ERBB4: variants seen among roughly 807,000 people sequenced by gnomAD.
The protein encoded by ERBB4 is receptor tyrosine-protein kinase erbB-4.
ERBB4 carries 42 observed loss-of-function variants against 158.0 expected under a neutral mutation model. That is an observed-to-expected ratio of 0.27 (90% CI 0.21 to 0.34). ERBB4 has a LOEUF of 0.34. ERBB4 is among the 10% of genes least tolerant of loss of function. The pLI, the probability that ERBB4 is intolerant of heterozygous loss-of-function variation, is 1.00. For missense variants in ERBB4, 1,333 were observed against 1,624.1 expected (o/e 0.82, Z 3.08); for synonymous variants, 583 against 558.7 (o/e 1.04, Z -0.61).
At chr2:212,144,343 G>A (rs145329120) in intron 1 of ERBB4, among the ~76,000 whole-genome samples, 2 of 152,148 alleles carry the variant, frequency 1.3e-5, no homozygotes, top group East Asian at 1.9e-4. Flanking sequence ...TTAGAGATCC[G>A]CTACAATATC....
intron 3 of ERBB4, among the ~76,000 whole-genome samples, chr2:211,930,874 C>T (rs1304663332): frequency 6.6e-6 from 1 of 151,942 alleles, no homozygotes; most frequent in African/African-American, 2.4e-5. Context: ...CATTCAAATC[C>T]CATTTTATTG....
rs191105473 is a variant in ERBB4, at chr2:212,164,314, T to C, written c.83-39411A>G. Among the ~76,000 whole-genome samples the C allele has an allele frequency of 2.0e-4, 30 of 152,122 alleles. No homozygotes were observed. The East Asian group carries it at 4.8e-3, about 25-fold the overall frequency. ...ATATTTTTAAAAAAACAACAAAATA[T>C]AAAGTATCGAAAACAACATTTTAAT... is the stretch of plus-strand genomic sequence containing the variant. On this transcript the variant is annotated intron_variant, in intron 1 of 27. Coordinates refer to ENST00000342788, the MANE Select transcript of ERBB4 (RefSeq NM_005235.3).
At chr2:212,124,685 G>A in intron 2 of ERBB4, 67 bp downstream of exon 2, 1 of 1,557,514 alleles carries the variant, frequency 6.4e-7, no homozygotes, top group Admixed American at 1.7e-5. Flanking sequence ...CAGCACACAG[G>A]TCTGCCTGTA....
chr2:212,489,147 T>C (rs1158150464), intron 1 of ERBB4, among the ~76,000 whole-genome samples: 1 of 151,792 alleles, frequency 6.6e-6, no homozygotes, highest in Admixed American at 6.6e-5. Context: ...AAGTATAAAA[T>C]AAGACAGAAT....
Position 211,415,321 on chromosome 2 carries a change from G to T in ERBB4, c.3135+5120C>A, listed in dbSNP as rs556762647. Among the ~76,000 whole-genome samples the T allele has an allele frequency of 1.6e-3, 217 of 134,216 alleles. 1 individual carries two copies. Among genetic ancestry groups the T allele is most frequent in the African/African-American group, 5.2e-3 (195 of 37,336 alleles). The allele number at this position is 134,216 out of a possible 152,430, so 88.1% of individuals were successfully genotyped here. On this transcript the variant is annotated intron_variant, in intron 25 of 27. Coordinates refer to ENST00000342788, the MANE Select transcript of ERBB4 (RefSeq NM_005235.3). ...TTTTTAGTAGAGGCGGGGTTTCACCGCGTTAGCCAGGATGGTCTCGATCTC... is the reference window on the plus strand; with the variant it reads ...TTTTTAGTAGAGGCGGGGTTTCACCTCGTTAGCCAGGATGGTCTCGATCTC...
chr2:211,691,606 A>G (rs76260338), intron 12 of ERBB4, among the ~76,000 whole-genome samples: 15,711 of 92,670 alleles, frequency 0.17, 928 homozygotes, highest in Non-Finnish European at 0.22. Flanking sequence ...GTGTGTGTAT[A>G]TATATAACAG....
chr2:212,184,200 C>T (rs2081950979), intron 1 of ERBB4, among the ~76,000 whole-genome samples: 1 of 152,002 alleles, frequency 6.6e-6, no homozygotes, highest in Admixed American at 6.6e-5. Flanking sequence ...GGGCTAATTC[C>T]CATTTTCAAA....
chr2:212,010,685 G>A (rs2076364941), intron 2 of ERBB4, among the ~76,000 whole-genome samples: 1 of 152,112 alleles, frequency 6.6e-6, no homozygotes, highest in Non-Finnish European at 1.5e-5. Flanking sequence ...TTCGAGAGCA[G>A]AGAACCAGTC....
chr2:211,931,554 A>G (rs1035338284), intron 3 of ERBB4, among the ~76,000 whole-genome samples: 2 of 151,960 alleles, frequency 1.3e-5, no homozygotes, highest in African/African-American at 4.8e-5. Context: ...TGTGACTCAC[A>G]TTTTGCCTTA....
At chr2:211,795,161 G>C (rs1002367333) in intron 3 of ERBB4, among the ~76,000 whole-genome samples, 1 of 151,782 alleles carries the variant, frequency 6.6e-6, no homozygotes, top group Non-Finnish European at 1.5e-5. Flanking sequence ...ACTCTAGGTA[G>C]GTGGAGAGAG....
At chr2:212,446,689 T>C (rs1327196681) in intron 1 of ERBB4, among the ~76,000 whole-genome samples, 1 of 133,308 alleles carries the variant, frequency 7.5e-6, no homozygotes, top group Non-Finnish European at 1.6e-5. Flanking sequence ...CCAGGGTATG[T>C]GAAAACTTAG....
chr2:211,479,387 T>C (rs1392500837), intron 20 of ERBB4, among the ~76,000 whole-genome samples: 1 of 152,148 alleles, frequency 6.6e-6, no homozygotes, highest in African/African-American at 2.4e-5. Context: ...ATGCCTATAG[T>C]GTCATATTTC....
At chr2:212,240,530 G>A (rs2084046307) in intron 1 of ERBB4, among the ~76,000 whole-genome samples, 1 of 150,978 alleles carries the variant, frequency 6.6e-6, no homozygotes, top group South Asian at 2.1e-4. Flanking sequence ...CTACTCAGGA[G>A]GCTGAGGCAG....
chr2:211,530,834 A>AGCCACGATCAT, intron 20 of ERBB4, among the ~76,000 whole-genome samples: 2 of 152,294 alleles, frequency 1.3e-5, no homozygotes, highest in Middle Eastern at 6.8e-3. Context: ...GGCTGCAGTG[A>AGCCACGATCAT]GCCACGATCA....
At chr2:211,888,708 G>C (rs1007427162) in intron 3 of ERBB4, among the ~76,000 whole-genome samples, 1 of 152,072 alleles carries the variant, frequency 6.6e-6, no homozygotes, top group African/African-American at 2.4e-5. Flanking sequence ...TGCGCGAGCC[G>C]AAGCAGGGCG....
chr2:211,616,919 C>T (rs1475069019), intron 19 of ERBB4, among the ~76,000 whole-genome samples: 1 of 152,036 alleles, frequency 6.6e-6, no homozygotes, highest in Non-Finnish European at 1.5e-5. Context: ...AATCCATCAA[C>T]CATCTAGGAA....
At chr2:212,072,153 GTGAATGGT>G (rs756714544) in intron 2 of ERBB4, among the ~76,000 whole-genome samples, 1 of 151,976 alleles carries the variant, frequency 6.6e-6, no homozygotes, top group Non-Finnish European at 1.5e-5. Flanking sequence ...TCAAGGGACA[GTGAATGGT>G]TGAGTACAGA....
intron 1 of ERBB4, among the ~76,000 whole-genome samples, chr2:212,518,773 GATA>G (rs1691981505): frequency 6.6e-6 from 1 of 151,952 alleles, no homozygotes; most frequent in Non-Finnish European, 1.5e-5. Flanking sequence ...ACTGTGTTGA[GATA>G]ATATCTGCTA....
chr2:212,505,464 A>G, intron 1 of ERBB4, among the ~76,000 whole-genome samples: 1 of 124,314 alleles, frequency 8.0e-6, no homozygotes, highest in Non-Finnish European at 2.0e-5. Flanking sequence ...CATATGTGTA[A>G]AAACTCTTTG....
Sources: gnomAD v4.1 joint callset for allele counts (sites outside exome capture counted in the v4.1 genomes callset) on GRCh38, gnomAD v4.1.1 for gene constraint, MANE v1.5 for transcripts, NCBI Gene and HGNC (gene_info 2026-07-23, HGNC 2026-07-21) for gene names.